The following SCAF8 variants were observed in gnomAD, a reference collection of about 807,000 sequenced individuals.
SCAF8 encodes the protein SR-related and CTD-associated factor 8.
A neutral mutation model predicts 140.5 loss-of-function variants in SCAF8; 23 were observed. The observed-to-expected ratio is 0.16, with a 90% confidence interval of 0.12 to 0.23. The LOEUF is 0.23. SCAF8 is among the 10% of genes least tolerant of loss of function. SCAF8 has a pLI of 1.00. For synonymous variants in SCAF8, 575 were observed against 528.9 expected (o/e 1.09, Z -1.20); for missense variants, 1,397 against 1,555.7 (o/e 0.90, Z 1.72).
At chr6:154,827,829 CGGGGCG>C (rs1778608865) in intron 18 of SCAF8, among the ~76,000 whole-genome samples, 1 of 23,800 alleles carries the variant, frequency 4.2e-5, no homozygotes, top group African/African-American at 1.1e-4. Context: ...TTTTTTGGGG[CGGGGCG>C]GGGGGGGGGG....
chr6:154,763,793 C>G (rs9371351), intron 1 of SCAF8, among the ~76,000 whole-genome samples: 63,562 of 151,670 alleles, frequency 0.42, 14,273 homozygotes, highest in East Asian at 0.9. Flanking sequence ...GTTGCCGAAT[C>G]CAGGGGCTGG....
chr6:154,801,931 C>A, intron 6 of SCAF8, 40 bp from the exon 7 acceptor site: 1 of 1,467,458 alleles, frequency 6.8e-7, no homozygotes, highest in Non-Finnish European at 9.2e-7. Context: ...ACAGAAAAAA[C>A]CCAACACCTG....
chr6:154,831,486 C>T lies in SCAF8; in HGVS notation c.2359+346C>T, dbSNP rs370620087. Among the ~76,000 whole-genome samples the T allele has an allele frequency of 1.0e-3, 156 of 151,740 alleles. 5 individuals carry two copies. In the South Asian group the frequency reaches 0.014, roughly 14 times the overall value. On this transcript the variant is annotated intron_variant, in intron 19 of 19. Coordinates refer to ENST00000367178, the MANE Select transcript of SCAF8 (RefSeq NM_014892.5). ...AGTATTGGGTGTGAGTAACTTCTAT[C>T]GGGAACTTACTTCTAATAGGTATTA...
At chr6:154,791,597 G>A (rs1310541003) in intron 4 of SCAF8, among the ~76,000 whole-genome samples, 1 of 151,854 alleles carries the variant, frequency 6.6e-6, no homozygotes, top group Non-Finnish European at 1.5e-5. Context: ...AATCCTTCTG[G>A]TATACTGTCT....
chr6:154,822,503 C>A, intron 16 of SCAF8, 94 bp downstream of exon 16: 3 of 1,251,812 alleles, frequency 2.4e-6, no homozygotes, highest in South Asian at 3.3e-5. Flanking sequence ...ATGAAAATCT[C>A]CATATTAGAA....
At chr6:154,823,972 G>A (rs926097637) in intron 16 of SCAF8, among the ~76,000 whole-genome samples, 30 of 152,298 alleles carry the variant, frequency 2.0e-4, no homozygotes, top group African/African-American at 7.2e-4. Flanking sequence ...AATATTCAGT[G>A]TTGAACTAGG....
chr6:154,733,728 G>A lies in SCAF8; in HGVS notation c.-173G>A. 4 of 1,325,940 alleles carry A rather than the reference G, an allele frequency of 3.0e-6. No homozygotes were observed. Among genetic ancestry groups the A allele is most frequent in the Non-Finnish European group, 3.8e-6 (4 of 1,041,654 alleles). The allele number at this position is 1,325,940 out of a possible 1,614,324, so 82.1% of individuals were successfully genotyped here. A position where few individuals can be genotyped will look rare whatever the true frequency, so the allele number is the denominator to read the frequency against. On this transcript the variant is annotated 5_prime_UTR_variant, in exon 1 of 20. Coordinates refer to ENST00000367178, the MANE Select transcript of SCAF8 (RefSeq NM_014892.5). ...CCGGTGCCGCTCTGCCGCTGAGGGA[G>A]CCCTTCCCCGCCAGCGCGTGCCCTT...
intron 17 of SCAF8, among the ~76,000 whole-genome samples, chr6:154,825,693 C>A (rs1041335654): frequency 6.9e-6 from 1 of 145,382 alleles, no homozygotes; most frequent in Non-Finnish European, 1.5e-5. Flanking sequence ...ATTATTAGAC[C>A]ATGGGAGGTT....
intron 1 of SCAF8, among the ~76,000 whole-genome samples, chr6:154,746,826 C>G (rs1440920899): frequency 6.6e-6 from 1 of 152,088 alleles, no homozygotes; most frequent in African/African-American, 2.4e-5. Context: ...TGTTTATATT[C>G]CATTTTGACT....
Position 154,832,280 on chromosome 6 carries a change from C to T in SCAF8, c.2701C>T (p.Pro901Ser), listed in dbSNP as rs147036406. ...PNTPGLLGTQPPAGPQNLPPL... is the reference protein window; with the variant it reads ...PNTPGLLGTQSPAGPQNLPPL... ...TACTCCTGGACTTCTGGGAACACAG[C>T]CACCAGCTGGACCTCAAAACTTACC... Residue 901 changes from proline to serine, a missense_variant, in exon 20 of 20, where the codon CCA (proline) becomes TCA (serine). Coordinates refer to ENST00000367178, the MANE Select transcript of SCAF8 (RefSeq NM_014892.5). 6.2e-7 allele frequency: 1 copy of T among 1,614,120 alleles called. No individual in the cohort carries two copies. The highest frequency in any genetic ancestry group is 1.1e-5 in the South Asian group (1 of 91,080).
At chr6:154,780,940 A>G (rs1777065761) in intron 3 of SCAF8, among the ~76,000 whole-genome samples, 3 of 152,116 alleles carry the variant, frequency 2.0e-5, no homozygotes, top group South Asian at 2.1e-4. Flanking sequence ...TCCTTGAGGA[A>G]TTGCCACACT....
At position 154,746,890 on chromosome 6, in the gene SCAF8, A is replaced by T. The variant is rs1778712984; in HGVS notation, c.30+12960A>T. On this transcript the variant is annotated intron_variant, in intron 1 of 19. Transcript: ENST00000367178. The stretch of plus-strand genomic sequence containing the variant: ...TTTTTTAGTATGTGAAACATTAAAG[A>T]TAAATTAACTTTAATCATTTACTTT... Among the ~76,000 whole-genome samples the T allele has an allele frequency of 3.9e-5, 6 of 152,340 alleles. 1 individual carries two copies. Among genetic ancestry groups the T allele is most frequent in the African/African-American group, 1.4e-4 (6 of 41,586 alleles).
At chr6:154,827,847 G>A (rs1233648806) in intron 18 of SCAF8, among the ~76,000 whole-genome samples, 2 of 147,272 alleles carry the variant, frequency 1.4e-5, no homozygotes, top group African/African-American at 5.0e-5. Flanking sequence ...GGGGGGGGGC[G>A]GTGTAAAACT....
chr6:154,807,717 T>C (rs1351843857), intron 9 of SCAF8, among the ~76,000 whole-genome samples: 2 of 152,244 alleles, frequency 1.3e-5, no homozygotes, highest in Non-Finnish European at 2.9e-5. Context: ...ATGCCAATTA[T>C]CAGTGAAAAT....
At chr6:154,796,379 CTCTCTCTCTCTCTG>C (rs1215318017) in intron 6 of SCAF8, among the ~76,000 whole-genome samples, 12 of 142,426 alleles carry the variant, frequency 8.4e-5, no homozygotes, top group Non-Finnish European at 1.6e-4. Flanking sequence ...CTCTCTCTCT[CTCTCTCTCTCTCTG>C]TCTCTCTCTT....
At chr6:154,821,763 G>C (rs572387258) in intron 15 of SCAF8, among the ~76,000 whole-genome samples, 3 of 152,316 alleles carry the variant, frequency 2.0e-5, no homozygotes, top group East Asian at 3.9e-4. Flanking sequence ...AAGGCAGATA[G>C]GTACAGAGGA....
intron 4 of SCAF8, among the ~76,000 whole-genome samples, chr6:154,791,470 A>G (rs1228825485): frequency 2.0e-5 from 3 of 152,212 alleles, no homozygotes; most frequent in Non-Finnish European, 2.9e-5. Context: ...GAAGAGCTGT[A>G]ACAAGGCATA....
intron 6 of SCAF8, among the ~76,000 whole-genome samples, chr6:154,800,818 A>T (rs1320190899): frequency 2.6e-5 from 4 of 151,592 alleles, no homozygotes; most frequent in Non-Finnish European, 5.9e-5. Context: ...GCTGTATATT[A>T]GGTGAAATTA....
At chr6:154,777,354 T>C (rs1776946691) in intron 2 of SCAF8, among the ~76,000 whole-genome samples, 3 of 152,242 alleles carry the variant, frequency 2.0e-5, no homozygotes, top group African/African-American at 7.2e-5. Flanking sequence ...CTATATTTTA[T>C]GAAACTTAAA....
Sources: gnomAD v4.1 joint callset for allele counts (sites outside exome capture counted in the v4.1 genomes callset) on GRCh38, gnomAD v4.1.1 for gene constraint, MANE v1.5 for transcripts, NCBI Gene and HGNC (gene_info 2026-07-23, HGNC 2026-07-21) for gene names.